The following PTPRQ variants were observed in gnomAD, a reference collection of about 807,000 sequenced individuals.
The protein encoded by PTPRQ is phosphatidylinositol phosphatase PTPRQ.
PTPRQ carries 199 observed loss-of-function variants against 246.0 expected under a neutral mutation model. That is an observed-to-expected ratio of 0.81 (90% CI 0.72 to 0.91). PTPRQ has a LOEUF of 0.91. Ranked by LOEUF, PTPRQ falls within the 40% of genes least tolerant of loss-of-function variation. The pLI is 0.00. For missense variants in PTPRQ, 2,624 were observed against 2,528.4 expected, an observed-to-expected ratio of 1.04 and a Z score of -0.81; for synonymous variants, 869 against 853.2, an observed-to-expected ratio of 1.02 and a Z score of -0.32.
chr12:80,577,970 T>C (rs1185542462), intron 25 of PTPRQ, among the ~76,000 whole-genome samples: 1 of 152,184 alleles, frequency 6.6e-6, no homozygotes, highest in East Asian at 1.9e-4. Flanking sequence ...TTACAATCTC[T>C]GAAGACATAG....
chr12:80,484,724 A>G (rs1248219552), intron 9 of PTPRQ, 119 bp downstream of exon 9: 2 of 1,253,794 alleles, frequency 1.6e-6, no homozygotes, highest in Non-Finnish European at 1.1e-6. Flanking sequence ...AGTACAAAGT[A>G]AAGTAAATTT....
intron 14 of PTPRQ, among the ~76,000 whole-genome samples, chr12:80,502,144 G>A (rs1180654591): frequency 6.6e-6 from 1 of 151,970 alleles, no homozygotes; most frequent in East Asian, 1.9e-4. Context: ...GGCAGAAGGA[G>A]TGAAATCCAG....
At chr12:80,452,708 G>T (rs1892810048) in intron 3 of PTPRQ, among the ~76,000 whole-genome samples, 1 of 152,164 alleles carries the variant, frequency 6.6e-6, no homozygotes, top group East Asian at 1.9e-4. Context: ...CTCTCTTCTG[G>T]CTTCTAGAGT....
intron 8 of PTPRQ, among the ~76,000 whole-genome samples, chr12:80,481,147 C>A (rs902874192): frequency 6.6e-6 from 1 of 152,308 alleles, no homozygotes; most frequent in African/African-American, 2.4e-5. Flanking sequence ...CAAAACGAAT[C>A]CAGCAGCACA....
chr12:80,460,208 C>A (rs1351774593), intron 5 of PTPRQ, among the ~76,000 whole-genome samples: 1 of 152,054 alleles, frequency 6.6e-6, no homozygotes, highest in East Asian at 1.9e-4. Context: ...TGATATAGTT[C>A]TAATACACGC....
chr12:80,608,953 T>C (rs1206164322), intron 27 of PTPRQ, among the ~76,000 whole-genome samples: 1 of 150,670 alleles, frequency 6.6e-6, no homozygotes, highest in Non-Finnish European at 1.5e-5. Context: ...TGTTAACAAC[T>C]AGTTAAATAC....
intron 15 of PTPRQ, 61 bp from the exon 16 acceptor site, chr12:80,506,508 T>C (rs974934329): frequency 6.9e-6 from 9 of 1,303,280 alleles, no homozygotes; most frequent in Non-Finnish European, 7.4e-6. Flanking sequence ...ATAGTTTGCC[T>C]CTTGCATATT....
chr12:80,575,982 G>T (rs1592675046), intron 25 of PTPRQ, among the ~76,000 whole-genome samples: 2 of 151,976 alleles, frequency 1.3e-5, no homozygotes, highest in East Asian at 3.9e-4. Flanking sequence ...TGTTCTCATT[G>T]TTTCTCCTTC....
intron 37 of PTPRQ, among the ~76,000 whole-genome samples, chr12:80,652,470 A>G (rs191278837): frequency 6.8e-4 from 104 of 152,214 alleles, no homozygotes; most frequent in African/African-American, 2.4e-3. Context: ...TAAAATGGTC[A>G]CTAACATGGT....
intron 39 of PTPRQ, among the ~76,000 whole-genome samples, chr12:80,661,654 A>G (rs1213500207): frequency 1.3e-5 from 2 of 151,740 alleles, no homozygotes; most frequent in African/African-American, 4.8e-5. Context: ...GAGTAAATAT[A>G]AACTGCACAT....
intron 35 of PTPRQ, among the ~76,000 whole-genome samples, chr12:80,638,823 T>C (rs183425779): frequency 7.0e-4 from 107 of 152,362 alleles, no homozygotes; most frequent in African/African-American, 2.5e-3. Context: ...ATTTGAATGA[T>C]AATTATATTA....
intron 6 of PTPRQ, chr12:80,462,569 G>A (rs1260984934): frequency 6.6e-6 from 1 of 151,560 alleles, no homozygotes; most frequent in Non-Finnish European, 1.5e-5. Flanking sequence ...CTCCTCAAGT[G>A]GGTCCCTGAC....
Position 80,574,465 on chromosome 12 carries a change from A to G in PTPRQ, c.4286-13664A>G, listed in dbSNP as rs554778013. On this transcript the variant is annotated intron_variant, in intron 25 of 44. Transcript: ENST00000644991. ...TTTTTCTTTGTTTTCTATATGTCCT[A>G]TCTCATTTTTAGTTCCTCTGTTCTT... Among the ~76,000 whole-genome samples the G allele has an allele frequency of 8.6e-5, 13 of 150,928 alleles. No individual in the cohort carries two copies. The South Asian group carries it at 2.5e-3, about 29-fold the overall frequency.
At chr12:80,551,323 G>T (rs1277866990) in intron 25 of PTPRQ, among the ~76,000 whole-genome samples, 1 of 151,966 alleles carries the variant, frequency 6.6e-6, no homozygotes, top group Non-Finnish European at 1.5e-5. Flanking sequence ...ATACAATCAG[G>T]TCTTATCAAT....
intron 38 of PTPRQ, among the ~76,000 whole-genome samples, chr12:80,655,464 G>A (rs1297806978): frequency 6.6e-6 from 1 of 151,988 alleles, no homozygotes. Flanking sequence ...AGGCATTTAG[G>A]CTATGTCTGG....
chr12:80,456,750 ATGATACATT>A (rs1892995248), intron 3 of PTPRQ, among the ~76,000 whole-genome samples: 1 of 152,192 alleles, frequency 6.6e-6, no homozygotes, highest in Non-Finnish European at 1.5e-5. Flanking sequence ...GGTATTTGGC[ATGATACATT>A]TGATGTCTTC....
At chr12:80,548,887 A>G (rs1266133485) in intron 24 of PTPRQ, among the ~76,000 whole-genome samples, 1 of 152,116 alleles carries the variant, frequency 6.6e-6, no homozygotes, top group Non-Finnish European at 1.5e-5. Flanking sequence ...AATTCAGAGA[A>G]GCTCTAGAAA....
intron 3 of PTPRQ, among the ~76,000 whole-genome samples, chr12:80,452,997 G>T (rs1032805178): frequency 6.6e-6 from 1 of 152,134 alleles, no homozygotes; most frequent in Non-Finnish European, 1.5e-5. Flanking sequence ...TCACTTTCAG[G>T]TATACCAATC....
intron 19 of PTPRQ, among the ~76,000 whole-genome samples, chr12:80,539,403 C>G (rs1021813076): frequency 2.6e-5 from 4 of 152,106 alleles, no homozygotes; most frequent in African/African-American, 9.7e-5. Flanking sequence ...TTCTAATACT[C>G]CCAAACTTGT....
Sources: allele counts gnomAD v4.1 joint callset (sites outside exome capture counted in the v4.1 genomes callset), GRCh38; gene constraint gnomAD v4.1.1; transcripts MANE v1.5; gene names NCBI Gene and HGNC (gene_info 2026-07-23, HGNC 2026-07-21).